The following DGKB variants were observed in gnomAD, a reference collection of about 807,000 sequenced individuals.
DGKB encodes the protein 90 kDa diacylglycerol kinase.
DGKB carries 67 observed loss-of-function variants against 114.3 expected under a neutral mutation model. The ratio of observed to expected loss-of-function variants is 0.59; its 90% CI spans 0.48 to 0.72. The LOEUF (loss-of-function observed/expected upper bound fraction) is 0.72, where lower values mean the gene tolerates loss of function less well. Among genes scored for constraint, DGKB ranks in the 30% least tolerant of loss-of-function variants. DGKB has a pLI of 0.00. For synonymous variants in DGKB, 398 were observed against 323.1 expected, an observed-to-expected ratio of 1.23 and a Z score of -2.49; for missense variants, 907 against 975.2, an observed-to-expected ratio of 0.93 and a Z score of 0.93.
intron 4 of DGKB, among the ~76,000 whole-genome samples, chr7:14,745,963 T>C (rs761723779): frequency 4.6e-5 from 7 of 152,200 alleles, no homozygotes; most frequent in Non-Finnish European, 5.9e-5. Flanking sequence ...ATTTCTAAAG[T>C]ATAGTTCTCT....
intron 21 of DGKB, among the ~76,000 whole-genome samples, chr7:14,396,549 C>A (rs1822248050): frequency 6.6e-6 from 1 of 152,104 alleles, no homozygotes; most frequent in South Asian, 2.1e-4. Context: ...ATCTGTGTGG[C>A]CATGGACCAA....
chr7:14,908,121 T>C (rs1041037179), upstream of DGKB, among the ~76,000 whole-genome samples: 1 of 152,240 alleles, frequency 6.6e-6, no homozygotes, highest in Non-Finnish European at 1.5e-5. Context: ...CCACACAGTG[T>C]TCCTGAAAAT....
intron 25 of DGKB, among the ~76,000 whole-genome samples, chr7:14,170,811 T>A (rs1173435657): frequency 6.6e-6 from 1 of 152,172 alleles, no homozygotes; most frequent in Non-Finnish European, 1.5e-5. Flanking sequence ...CAAAATGAAC[T>A]CTAGATAACT....
At chr7:14,298,878 T>G (rs957019517) in intron 23 of DGKB, among the ~76,000 whole-genome samples, 1 of 151,674 alleles carries the variant, frequency 6.6e-6, no homozygotes, top group South Asian at 2.1e-4. Context: ...AAAAAGTGGG[T>G]GAAGGATATG....
At chr7:14,737,438 T>C (rs1019067359) in intron 4 of DGKB, among the ~76,000 whole-genome samples, 6 of 151,984 alleles carry the variant, frequency 3.9e-5, no homozygotes, top group Non-Finnish European at 8.8e-5. Flanking sequence ...TCCTATGTAA[T>C]AATACTGGGG....
At chr7:14,919,062 G>GCACACACACACACACACACA (rs767285844) in intron 1 of DGKB, among the ~76,000 whole-genome samples, 1 of 118,064 alleles carries the variant, frequency 8.5e-6, no homozygotes, top group Non-Finnish European at 1.7e-5. Context: ...TCCACCACAC[G>GCACACACACACACACACACA]CACACACACA....
Position 14,473,256 on chromosome 7 carries a change from T to C in DGKB, c.1835+4905A>G, listed in dbSNP as rs1408603989. The stretch of plus-strand genomic sequence containing the variant: ...GGTGTCCTGTGTCCCAGCTGCACCA[T>C]CCATGGCTGAAAGGGGCCAACATAG... On this transcript the variant is annotated intron_variant, in intron 21 of 25. Coordinates refer to ENST00000402815, the MANE Select transcript of DGKB (RefSeq NM_001350709.2). Among the ~76,000 whole-genome samples, 9 of 152,110 alleles carry C rather than the reference T, an allele frequency of 5.9e-5. 1 individual carries two copies. Among genetic ancestry groups the C allele is most frequent in the Admixed American group, 5.9e-4 (9 of 15,260 alleles).
At chr7:14,571,722 C>A (rs1798413518) in intron 20 of DGKB, among the ~76,000 whole-genome samples, 1 of 152,200 alleles carries the variant, frequency 6.6e-6, no homozygotes, top group Non-Finnish European at 1.5e-5. Flanking sequence ...GAAGTGATTT[C>A]TAATTGCCTG....
chr7:14,610,637 T>C (rs150662378), intron 16 of DGKB, among the ~76,000 whole-genome samples: 6 of 152,190 alleles, frequency 3.9e-5, no homozygotes, highest in African/African-American at 9.6e-5. Context: ...AAATTCAGTA[T>C]GTAATATCTG....
At chr7:14,559,156 T>C (rs1157861254) in intron 20 of DGKB, among the ~76,000 whole-genome samples, 1 of 152,224 alleles carries the variant, frequency 6.6e-6, no homozygotes, top group Non-Finnish European at 1.5e-5. Context: ...ACTCTGTAAT[T>C]ACATCAATTT....
intron 23 of DGKB, among the ~76,000 whole-genome samples, chr7:14,254,004 G>C (rs1179192347): frequency 6.6e-6 from 1 of 152,200 alleles, no homozygotes; most frequent in Admixed American, 6.5e-5. Flanking sequence ...ACATTAAGCT[G>C]TTTAGACTCA....
Position 14,574,226 on chromosome 7 carries a change from A to G in DGKB, c.1756T>C (p.Phe586Leu). Residue 586 changes from phenylalanine to leucine, a missense_variant, in exon 20 of 26, where the codon TTT becomes CTT. Transcript: ENST00000402815. ...GAGAATCTTACCACGCCAATGGAAA[A>G]GTAATTATTGATGATACTGTAAGGC... ...PVPYSIINNY[F>L]SIGVDASIAH... 6.2e-7 allele frequency: 1 copy of G among 1,612,782 alleles called. No homozygotes were observed. The highest frequency in any genetic ancestry group is 8.5e-7 in the Non-Finnish European group (1 of 1,179,368).
At chr7:14,251,533 T>C (rs1267821636) in intron 23 of DGKB, among the ~76,000 whole-genome samples, 2 of 152,180 alleles carry the variant, frequency 1.3e-5, no homozygotes, top group Non-Finnish European at 2.9e-5. Flanking sequence ...AAATAATTTA[T>C]ATACTATCAC....
chr7:14,456,453 A>T (rs57222226), intron 21 of DGKB, among the ~76,000 whole-genome samples: 137 of 152,194 alleles, frequency 9.0e-4, no homozygotes, highest in African/African-American at 3.2e-3. Flanking sequence ...GGATGTTAAT[A>T]TACCTGCACA....
chr7:14,783,943 A>G (rs1346876203), intron 2 of DGKB, among the ~76,000 whole-genome samples: 1 of 152,206 alleles, frequency 6.6e-6, no homozygotes, highest in East Asian at 1.9e-4. Flanking sequence ...TCTGTTAAAT[A>G]CTTAAAATTG....
chr7:14,349,264 C>T (rs1813025061), intron 21 of DGKB, among the ~76,000 whole-genome samples: 1 of 152,028 alleles, frequency 6.6e-6, no homozygotes, highest in African/African-American at 2.4e-5. Flanking sequence ...CCTAGATTAT[C>T]TCTGAATGCA....
At chr7:14,656,403 T>C (rs1201342740) in intron 13 of DGKB, among the ~76,000 whole-genome samples, 2 of 151,480 alleles carry the variant, frequency 1.3e-5, no homozygotes, top group Non-Finnish European at 3.0e-5. Flanking sequence ...GGTTTTTTTT[T>C]CTAGGTTTGA....
chr7:14,361,483 A>T (rs923927073), intron 21 of DGKB, among the ~76,000 whole-genome samples: 2 of 151,878 alleles, frequency 1.3e-5, no homozygotes, highest in East Asian at 1.9e-4. Context: ...GACTCAGATG[A>T]CTCCCTGAAA....
At chr7:14,799,552 G>A (rs1368885729) in intron 2 of DGKB, among the ~76,000 whole-genome samples, 1 of 152,136 alleles carries the variant, frequency 6.6e-6, no homozygotes, top group Non-Finnish European at 1.5e-5. Context: ...CCAGTGGTGT[G>A]GGGAAGTTCA....
Sources: allele counts gnomAD v4.1 joint callset (sites outside exome capture counted in the v4.1 genomes callset), GRCh38; gene constraint gnomAD v4.1.1; transcripts MANE v1.5; gene names NCBI Gene and HGNC (gene_info 2026-07-23, HGNC 2026-07-21).